AXL: variants seen among roughly 807,000 people sequenced by gnomAD.
AXL encodes AXL receptor tyrosine kinase, also known as tyrosine-protein kinase receptor UFO.
A neutral mutation model predicts 104.5 loss-of-function variants in AXL; 52 were observed. The observed-to-expected ratio is 0.50, with a 90% CI of 0.40 to 0.63. The LOEUF (loss-of-function observed/expected upper bound fraction) is 0.63, where lower values mean the gene tolerates loss of function less well. Ranked by LOEUF, AXL falls within the 20% of genes least tolerant of loss-of-function variation. AXL has a pLI of 0.00. For synonymous variants in AXL, 455 were observed against 473.7 expected, an observed-to-expected ratio of 0.96 and a Z score of 0.51; for missense variants, 1,024 against 1,188.5, an observed-to-expected ratio of 0.86 and a Z score of 2.04.
chr19:41,251,579 T>G (rs1396114091), intron 14 of AXL, among the ~76,000 whole-genome samples: 1 of 148,052 alleles, frequency 6.8e-6, no homozygotes, highest in Non-Finnish European at 1.5e-5. Context: ...AAAAAAAAAA[T>G]TATCCGGGAT....
At chr19:41,220,236 C>T (rs895451135) in intron 1 of AXL, among the ~76,000 whole-genome samples, 1 of 103,362 alleles carries the variant, frequency 9.7e-6, no homozygotes, top group African/African-American at 4.3e-5. Flanking sequence ...CCGCCACCAC[C>T]CTTATCTCCC....
intron 14 of AXL, among the ~76,000 whole-genome samples, chr19:41,251,884 C>T (rs1055949479): frequency 3.3e-5 from 5 of 151,506 alleles, no homozygotes; most frequent in Non-Finnish European, 7.4e-5. Flanking sequence ...GAGGCCGAGG[C>T]GGGCAGATCG....
In AXL at chr19:41,252,428, G is replaced by A. The variant is rs537492526; in HGVS notation, c.1789G>A (p.Val597Ile). The A allele has an allele frequency of 5.7e-5, 92 of 1,613,986 alleles. No individual in the cohort carries two copies. In the South Asian group the frequency reaches 7.2e-4, roughly 13 times the overall value. The change falls in exon 15 of 20, where the codon GTC (valine) becomes ATC (isoleucine). Residue 597 changes from valine to isoleucine, a missense_variant. This residue lies in a region of AXL where 523 missense variants were observed against 636.0 expected (regional missense o/e 0.82). Transcript: ENST00000301178. ...CATGAAGGAATTTGACCATCCCAAC[G>A]TCATGAGGCTCATCGGTGAGAGAGG... Reference protein sequence around the residue: ...VCMKEFDHPNVMRLIGVCFQG... With the variant: ...VCMKEFDHPNIMRLIGVCFQG...
chr19:41,251,901 C>T (rs1367684040), intron 14 of AXL, among the ~76,000 whole-genome samples: 1 of 151,466 alleles, frequency 6.6e-6, no homozygotes, highest in Non-Finnish European at 1.5e-5. Flanking sequence ...ATCGTGAGGT[C>T]AGGAGATCGA....
intron 17 of AXL, among the ~76,000 whole-genome samples, chr19:41,254,752 T>C (rs1010418274): frequency 6.6e-6 from 1 of 151,928 alleles, no homozygotes; most frequent in African/African-American, 2.4e-5. Context: ...ATCCTGTCTT[T>C]ACAAAAAATA....
chr19:41,224,539 T>C (rs2033845473), intron 4 of AXL, among the ~76,000 whole-genome samples: 1 of 152,122 alleles, frequency 6.6e-6, no homozygotes, highest in Admixed American at 6.5e-5. Context: ...TGTGCCACCA[T>C]ACCCAGATAG....
At chr19:41,256,147 T>A (rs1445920209) in intron 17 of AXL, among the ~76,000 whole-genome samples, 2 of 152,126 alleles carry the variant, frequency 1.3e-5, no homozygotes, top group African/African-American at 4.8e-5. Flanking sequence ...CATTTCCATA[T>A]GTACAGTATA....
intron 4 of AXL, among the ~76,000 whole-genome samples, chr19:41,226,381 A>G (rs1175807666): frequency 6.6e-6 from 1 of 152,100 alleles, no homozygotes; most frequent in Non-Finnish European, 1.5e-5. Context: ...CCGGGACTGT[A>G]CTGTTTCTCC....
rs567667080 is a variant in AXL at position 41,228,480 on chromosome 19, G to A, written c.587-2487G>A. ...GAGGCAGGAGAATGGCTTGAACCCA[G>A]GAGGCAGAGGTTGCAGTGAGCCAAG... On this transcript the variant is annotated intron_variant, in intron 4 of 19. Transcript: ENST00000301178. Among the ~76,000 whole-genome samples the A allele has an allele frequency of 4.1e-4, 63 of 152,268 alleles. No individual in the cohort carries two copies. The Middle Eastern group carries it at 0.014, about 33-fold the overall frequency.
At chr19:41,240,394 G>A (rs1369619563) in intron 10 of AXL, among the ~76,000 whole-genome samples, 1 of 151,762 alleles carries the variant, frequency 6.6e-6, no homozygotes, top group Non-Finnish European at 1.5e-5. Context: ...ATGGATGGAT[G>A]GATGGATGAA....
chr19:41,229,519 C>T (rs2033939478), intron 4 of AXL, among the ~76,000 whole-genome samples: 1 of 152,198 alleles, frequency 6.6e-6, no homozygotes, highest in Admixed American at 6.5e-5. Context: ...CCTGACTCAG[C>T]CTCCCAAAGT....
At chr19:41,225,881 G>T (rs1360061733) in intron 4 of AXL, among the ~76,000 whole-genome samples, 1 of 152,110 alleles carries the variant, frequency 6.6e-6, no homozygotes, top group Non-Finnish European at 1.5e-5. Context: ...TCGTCCGTTT[G>T]TGTGCGTCTG....
chr19:41,223,887 G>C (rs140551849), intron 4 of AXL, among the ~76,000 whole-genome samples: 126 of 152,202 alleles, frequency 8.3e-4, no homozygotes, highest in Non-Finnish European at 1.2e-3. Context: ...TTCTGGATCT[G>C]AGTGTTAGTG....
At chr19:41,238,788 G>T (rs140116023) in intron 8 of AXL, among the ~76,000 whole-genome samples, 179 bp downstream of exon 8, 2 of 152,222 alleles carry the variant, frequency 1.3e-5, no homozygotes, top group Admixed American at 6.5e-5. Context: ...CTAAGGGAGG[G>T]CATGGGGAAT....
At position 41,237,601 on chromosome 19, in the gene AXL, C is replaced by G. The variant is rs113606426; in HGVS notation, c.784-343C>G. 3.6e-3 allele frequency among the ~76,000 whole-genome samples: 545 copies of G among 152,276 alleles called. 3 individuals carry two copies. Among genetic ancestry groups the G allele is most frequent in the African/African-American group, 0.013 (525 of 41,538 alleles). On this transcript the variant is annotated intron_variant, in intron 6 of 19. Coordinates refer to ENST00000301178, the MANE Select transcript of AXL (RefSeq NM_021913.5). ...ATCGGTGCTGACCACCCGCCATGCA[C>G]TGTGGCATCCTTTGGGCATAACTAC...
In AXL at chr19:41,259,871, C is replaced by G. The variant is rs372938197; in HGVS notation, c.2652C>G (p.Ser884=). 1 of 1,598,326 alleles carries G rather than the reference C, an allele frequency of 6.3e-7. No homozygotes were observed. The highest frequency in any genetic ancestry group is 8.5e-7 in the Non-Finnish European group (1 of 1,170,462). ...PSPAQPADRG[S]PAAPGQEDGA ...CCGCTCAGCCTGCTGATAGGGGCTCCCCAGCAGCCCCAGGGCAGGAGGATG... is the reference window on the plus strand; with the variant it reads ...CCGCTCAGCCTGCTGATAGGGGCTCGCCAGCAGCCCCAGGGCAGGAGGATG... The change falls in exon 20 of 20, where the codon TCC becomes TCG. Residue 884 remains serine (S), a synonymous_variant. Transcript: ENST00000301178.
chr19:41,253,856 G>T, intron 17 of AXL, 148 bp downstream of exon 17: 1 of 658,006 alleles, frequency 1.5e-6, no homozygotes. Flanking sequence ...AAGGGGGTCT[G>T]GGAAGGCTTC....
Position 41,219,334 on chromosome 19 carries a change from C to T in AXL, c.-59C>T. 1 of 1,512,496 alleles carries T rather than the reference C, an allele frequency of 6.6e-7. No homozygotes were observed. The highest frequency in any genetic ancestry group is 2.5e-5 in the East Asian group (1 of 40,466). The allele number at this position is 1,512,496 out of a possible 1,614,324, so 93.7% of individuals were successfully genotyped here. A position where few individuals can be genotyped will look rare whatever the true frequency, so the allele number is the denominator to read the frequency against. ...AGCTGGGGGGAGGGCCGGGGACAGC[C>T]CGGCCCTGCCCCCTCCCCCGCTGGG... is the stretch of plus-strand genomic sequence containing the variant. On this transcript the variant is annotated 5_prime_UTR_variant, in exon 1 of 20. Transcript: ENST00000301178.
chr19:41,219,748 G>C (rs2033751635), intron 1 of AXL, among the ~76,000 whole-genome samples: 1 of 151,700 alleles, frequency 6.6e-6, no homozygotes, highest in Non-Finnish European at 1.5e-5. Context: ...CTGAGGGCAG[G>C]GGTGGGGGCT....
Sources: gnomAD v4.1 joint callset for allele counts (sites outside exome capture counted in the v4.1 genomes callset) on GRCh38, gnomAD v4.1.1 for gene constraint, gnomAD v4.1.1 regional missense constraint, MANE v1.5 for transcripts, NCBI Gene and HGNC (gene_info 2026-07-23, HGNC 2026-07-21) for gene names.